TRPC4: variants seen among roughly 807,000 people sequenced by gnomAD.
TRPC4 encodes the protein transient receptor potential cation channel subfamily C member 4.
In TRPC4, 49 loss-of-function variants were observed where a neutral mutation model predicts 99.4. The ratio of observed to expected loss-of-function variants is 0.49; its 90% CI spans 0.39 to 0.63. The LOEUF (loss-of-function observed/expected upper bound fraction) is 0.63. Ranked by LOEUF, TRPC4 falls within the 20% of genes least tolerant of loss-of-function variation. The pLI is 0.00. For synonymous variants in TRPC4, 454 were observed against 425.9 expected (o/e 1.07, Z -0.81); for missense variants, 898 against 1,152.9 (o/e 0.78, Z 3.20).
intron 5 of TRPC4, among the ~76,000 whole-genome samples, chr13:37,668,564 G>A (rs927854514): frequency 6.6e-6 from 1 of 152,092 alleles, no homozygotes; most frequent in Non-Finnish European, 1.5e-5. Context: ...GAGATGAGTT[G>A]GAGCCAAGTC....
chr13:37,782,739 T>A (rs1432988571), intron 2 of TRPC4, among the ~76,000 whole-genome samples: 1 of 151,950 alleles, frequency 6.6e-6, no homozygotes, highest in Non-Finnish European at 1.5e-5. Context: ...TTACTTATGA[T>A]TTTCCAGGGC....
intron 1 of TRPC4, among the ~76,000 whole-genome samples, chr13:37,855,312 TACACATGTAG>T (rs1959160118): frequency 6.8e-6 from 1 of 146,344 alleles, no homozygotes; most frequent in African/African-American, 2.6e-5. Context: ...TATATATATA[TACACATGTAG>T]ATATATACAA....
intron 6 of TRPC4, among the ~76,000 whole-genome samples, chr13:37,659,946 A>T (rs970193632): frequency 6.6e-6 from 1 of 152,180 alleles, no homozygotes; most frequent in Non-Finnish European, 1.5e-5. Context: ...ATTGAATTTA[A>T]GTCTTCAGGA....
intron 3 of TRPC4, among the ~76,000 whole-genome samples, chr13:37,745,470 ATATACACACACACACACACT>A (rs1396377517): frequency 8.3e-3 from 15 of 1,804 alleles, no homozygotes; most frequent in Admixed American, 0.026. Flanking sequence ...ATATATATAT[ATATACACACACACACACACT>A]TATATATACG....
chr13:37,684,621 T>C (rs1953395857), intron 4 of TRPC4, among the ~76,000 whole-genome samples: 1 of 152,108 alleles, frequency 6.6e-6, no homozygotes, highest in Non-Finnish European at 1.5e-5. Flanking sequence ...CCTTGTTCAT[T>C]ACCTTTTCAA....
chr13:37,859,023 A>C (rs1463682575), intron 1 of TRPC4, among the ~76,000 whole-genome samples: 1 of 151,422 alleles, frequency 6.6e-6, no homozygotes, highest in South Asian at 2.1e-4. Flanking sequence ...GCGTGCCTGC[A>C]TCAAAATATC....
intron 1 of TRPC4, among the ~76,000 whole-genome samples, chr13:37,833,616 G>T (rs909123777): frequency 2.0e-5 from 3 of 152,122 alleles, no homozygotes; most frequent in Non-Finnish European, 4.4e-5. Flanking sequence ...GCTGCCACCT[G>T]CAGATGCACC....
intron 3 of TRPC4, among the ~76,000 whole-genome samples, chr13:37,702,757 T>C (rs545289712): frequency 6.6e-6 from 1 of 152,298 alleles, no homozygotes; most frequent in Non-Finnish European, 1.5e-5. Flanking sequence ...GTCAGCTATA[T>C]ACATAATGCG....
intron 1 of TRPC4, among the ~76,000 whole-genome samples, chr13:37,831,721 T>C (rs1453793332): frequency 6.6e-6 from 1 of 152,252 alleles, no homozygotes; most frequent in African/African-American, 2.4e-5. Flanking sequence ...AGGTAAATCT[T>C]GTCATTTGTG....
chr13:37,758,223 A>G (rs73168476), intron 2 of TRPC4, among the ~76,000 whole-genome samples: 6,573 of 152,026 alleles, frequency 0.043, 205 homozygotes, highest in African/African-American at 0.071. Context: ...ATCAAACAAA[A>G]AAGAAAATAA....
At chr13:37,773,495 T>C (rs1488713474) in intron 2 of TRPC4, among the ~76,000 whole-genome samples, 2 of 151,806 alleles carry the variant, frequency 1.3e-5, no homozygotes, top group Admixed American at 1.3e-4. Flanking sequence ...CTTAAACAAG[T>C]GTTCAACAAA....
At chr13:37,818,700 A>G (rs1267621780) in intron 1 of TRPC4, among the ~76,000 whole-genome samples, 1 of 152,110 alleles carries the variant, frequency 6.6e-6, no homozygotes, top group Non-Finnish European at 1.5e-5. Flanking sequence ...CTAATGCAGG[A>G]ACAGAAAACC....
At chr13:37,753,801 G>A (rs947049999) in intron 2 of TRPC4, among the ~76,000 whole-genome samples, 5 of 152,102 alleles carry the variant, frequency 3.3e-5, no homozygotes, top group African/African-American at 9.7e-5. Context: ...AAATTTGCAC[G>A]TTCTAGCACT....
intron 5 of TRPC4, among the ~76,000 whole-genome samples, chr13:37,671,865 T>C (rs368182830): frequency 1.3e-5 from 2 of 152,168 alleles, no homozygotes; most frequent in South Asian, 2.1e-4. Flanking sequence ...AAAGGACATG[T>C]TGTAGTTTAT....
intron 1 of TRPC4, among the ~76,000 whole-genome samples, chr13:37,864,192 C>A (rs1959586810): frequency 6.6e-6 from 1 of 151,650 alleles, no homozygotes; most frequent in African/African-American, 2.4e-5. Context: ...CCAAAGAAGT[C>A]TCTGGCTTTC....
At chr13:37,796,497 T>G (rs1166961493) in intron 1 of TRPC4, among the ~76,000 whole-genome samples, 1 of 152,118 alleles carries the variant, frequency 6.6e-6, no homozygotes. Context: ...TGGCTAGGTT[T>G]TTATTATGTT....
intron 3 of TRPC4, among the ~76,000 whole-genome samples, chr13:37,703,290 G>A (rs961129722): frequency 1.3e-5 from 2 of 151,988 alleles, no homozygotes; most frequent in African/African-American, 4.8e-5. Context: ...TTAACATTTT[G>A]GACCATAACA....
intron 2 of TRPC4, among the ~76,000 whole-genome samples, chr13:37,763,686 A>G (rs539413501): frequency 1.3e-3 from 195 of 151,902 alleles, no homozygotes; most frequent in Non-Finnish European, 2.3e-3. Flanking sequence ...ACCAGATAAT[A>G]TTACAAAATG....
intron 6 of TRPC4, among the ~76,000 whole-genome samples, chr13:37,663,086 C>T (rs887971593): frequency 3.9e-5 from 6 of 152,152 alleles, no homozygotes; most frequent in African/African-American, 9.7e-5. Context: ...CATGTTCTAT[C>T]TTTTAATGTA....
Sources: gnomAD v4.1 joint callset for allele counts (sites outside exome capture counted in the v4.1 genomes callset) on GRCh38, gnomAD v4.1.1 for gene constraint, MANE v1.5 for transcripts, NCBI Gene and HGNC (gene_info 2026-07-23, HGNC 2026-07-21) for gene names.